SNX29: variants seen among roughly 807,000 people sequenced by gnomAD.
SNX29 encodes the protein sorting nexin 29, also known as sorting nexin-29.
A neutral mutation model predicts 102.1 loss-of-function variants in SNX29; 78 were observed. The ratio of observed to expected loss-of-function variants is 0.76; its 90% CI spans 0.64 to 0.92. SNX29 has a LOEUF of 0.92. Among genes scored for constraint, SNX29 ranks in the 40% least tolerant of loss-of-function variants. SNX29 has a pLI of 0.00. For missense variants in SNX29, 1,280 were observed against 1,061.7 expected (o/e 1.21, Z -2.86); for synonymous variants, 580 against 414.5 (o/e 1.40, Z -4.85).
At chr16:12,418,090 A>G (rs1026254321) in intron 18 of SNX29, among the ~76,000 whole-genome samples, 1 of 152,168 alleles carries the variant, frequency 6.6e-6, no homozygotes. Flanking sequence ...GTGTCGGGAA[A>G]GTGCTTCCCT....
intron 20 of SNX29, among the ~76,000 whole-genome samples, chr16:12,551,917 C>G (rs766262711): frequency 1.3e-5 from 2 of 152,172 alleles, no homozygotes; most frequent in African/African-American, 4.8e-5. Flanking sequence ...TATACCCTAC[C>G]ACACAGAGCC....
chr16:12,420,186 C>T (rs888333576), intron 18 of SNX29, among the ~76,000 whole-genome samples: 7 of 152,250 alleles, frequency 4.6e-5, no homozygotes, highest in Admixed American at 3.3e-4. Context: ...CCAGCATTGA[C>T]ACATGTCACC....
chr16:12,301,685 G>A (rs1019487868), intron 15 of SNX29, among the ~76,000 whole-genome samples: 1 of 152,244 alleles, frequency 6.6e-6, no homozygotes, highest in Non-Finnish European at 1.5e-5. Context: ...CAGGGATCAA[G>A]CTTACCTTGC....
chr16:12,358,675 C>G (rs1475076359), intron 16 of SNX29, among the ~76,000 whole-genome samples: 1 of 152,202 alleles, frequency 6.6e-6, no homozygotes, highest in Non-Finnish European at 1.5e-5. Context: ...AAGAATACTG[C>G]ACAGAGAAGC....
At chr16:12,145,898 A>C (rs369052457) in intron 13 of SNX29, among the ~76,000 whole-genome samples, 28 of 152,188 alleles carry the variant, frequency 1.8e-4, no homozygotes, top group African/African-American at 6.5e-4. Context: ...TTATAAACCT[A>C]TTCCGCCTTT....
Position 12,569,035 on chromosome 16 carries a change from T to TC in SNX29, c.*409dup. On this transcript the variant is annotated 3_prime_UTR_variant, in exon 21 of 21. Transcript: ENST00000566228. ...ATGCAGAGCCAGCCTCTCCACTCTT[T>TC]CCCACGTGGGGACTAGAATGACTAT... 4.3e-6 allele frequency: 1 copy of TC among 235,238 alleles called. No individual in the cohort carries two copies. The highest frequency in any genetic ancestry group is 8.2e-6 in the Non-Finnish European group (1 of 121,228). The allele number at this position is 235,238 out of a possible 1,614,324, so 14.6% of individuals were successfully genotyped here.
At chr16:12,355,645 C>G (rs1257539095) in intron 15 of SNX29, among the ~76,000 whole-genome samples, 1 of 152,056 alleles carries the variant, frequency 6.6e-6, no homozygotes, top group Non-Finnish European at 1.5e-5. Flanking sequence ...TATAGACCAT[C>G]TGTAGTCACC....
chr16:12,536,057 T>G (rs2077068993), intron 20 of SNX29, among the ~76,000 whole-genome samples: 1 of 152,140 alleles, frequency 6.6e-6, no homozygotes. Context: ...CTGAGCCCTT[T>G]GTCTTCATTC....
intron 13 of SNX29, among the ~76,000 whole-genome samples, chr16:12,169,200 G>A (rs1317059651): frequency 6.6e-6 from 1 of 152,232 alleles, no homozygotes; most frequent in East Asian, 1.9e-4. Context: ...GTATCTCACA[G>A]CTGTTCTTTT....
intron 18 of SNX29, among the ~76,000 whole-genome samples, chr16:12,435,953 C>T (rs944413046): frequency 1.3e-5 from 2 of 152,170 alleles, no homozygotes; most frequent in Admixed American, 6.5e-5. Context: ...ACACGTGCCG[C>T]GCGTTACTTC....
At chr16:12,384,023 C>T (rs981958513) in intron 16 of SNX29, among the ~76,000 whole-genome samples, 4 of 152,152 alleles carry the variant, frequency 2.6e-5, no homozygotes, top group Non-Finnish European at 5.9e-5. Context: ...GCCTCCAGTT[C>T]CATCCATGTT....
chr16:12,182,555 T>C (rs948925784), intron 13 of SNX29, among the ~76,000 whole-genome samples: 14 of 152,296 alleles, frequency 9.2e-5, no homozygotes, highest in South Asian at 4.1e-4. Flanking sequence ...CTCAGGGTAG[T>C]ACTGAGGTGG....
At chr16:12,542,789 TAAATCA>T (rs1458531092) in intron 20 of SNX29, among the ~76,000 whole-genome samples, 9 of 151,810 alleles carry the variant, frequency 5.9e-5, no homozygotes, top group Admixed American at 3.9e-4. Context: ...AAGTATTAGT[TAAATCA>T]GCAAGTAAGT....
At chr16:12,301,648 C>T (rs1301912441) in intron 15 of SNX29, among the ~76,000 whole-genome samples, 1 of 152,190 alleles carries the variant, frequency 6.6e-6, no homozygotes, top group Admixed American at 6.5e-5. Flanking sequence ...GGTCCATCTC[C>T]CCTCTAGAAT....
chr16:12,115,934 C>A (rs2053681076), intron 11 of SNX29, among the ~76,000 whole-genome samples: 1 of 152,168 alleles, frequency 6.6e-6, no homozygotes, highest in Non-Finnish European at 1.5e-5. Context: ...TCCTTTCCAC[C>A]CTCGTCCCAC....
intron 11 of SNX29, among the ~76,000 whole-genome samples, chr16:12,090,457 C>T (rs951555767): frequency 2.6e-5 from 4 of 152,138 alleles, no homozygotes; most frequent in Non-Finnish European, 4.4e-5. Context: ...TGGCGTTGCT[C>T]CAGGGAGGCC....
At chr16:11,984,091 A>G (rs1447753005) in intron 1 of SNX29, among the ~76,000 whole-genome samples, 1 of 152,118 alleles carries the variant, frequency 6.6e-6, no homozygotes, top group African/African-American at 2.4e-5. Flanking sequence ...AGTGGCTCAC[A>G]CCTGTAATTC....
chr16:12,549,625 G>T (rs187442344), intron 20 of SNX29, among the ~76,000 whole-genome samples: 4 of 152,190 alleles, frequency 2.6e-5, no homozygotes, highest in East Asian at 3.8e-4. Flanking sequence ...CCCTCCACAC[G>T]CTCTGTAAAG....
intron 19 of SNX29, among the ~76,000 whole-genome samples, chr16:12,508,642 G>A (rs537193296): frequency 4.4e-4 from 67 of 152,312 alleles, no homozygotes; most frequent in Non-Finnish European, 7.9e-4. Context: ...CGTCCCTCCC[G>A]CTTTACCAAC....
Sources: allele counts gnomAD v4.1 joint callset (sites outside exome capture counted in the v4.1 genomes callset), GRCh38; gene constraint gnomAD v4.1.1; transcripts MANE v1.5; gene names NCBI Gene and HGNC (gene_info 2026-07-23, HGNC 2026-07-21).